DZANK1: variants seen among roughly 807,000 people sequenced by gnomAD.
DZANK1 encodes double zinc ribbon and ankyrin repeat domains 1, also known as double zinc ribbon and ankyrin repeat-containing protein 1.
In DZANK1, 91 loss-of-function variants were observed where a neutral mutation model predicts 94.5. The ratio of observed to expected loss-of-function variants is 0.96; its 90% CI spans 0.81 to 1.15. The LOEUF (loss-of-function observed/expected upper bound fraction) is 1.15. Among genes scored for constraint, DZANK1 ranks in the 50% most tolerant of loss-of-function variants. The pLI is 0.00. For synonymous variants in DZANK1, 312 were observed against 325.3 expected (o/e 0.96, Z 0.44); for missense variants, 903 against 916.4 (o/e 0.99, Z 0.19).
At chr20:18,397,296 G>A (rs2056397769) in intron 14 of DZANK1, among the ~76,000 whole-genome samples, 1 of 152,168 alleles carries the variant, frequency 6.6e-6, no homozygotes, top group Non-Finnish European at 1.5e-5. Context: ...TCTTGATGTT[G>A]GCCTATTTGG....
At chr20:18,412,736 T>C (rs1232606682) in exon 13 of DZANK1, 1 of 1,613,792 alleles carries the variant, frequency 6.2e-7, no homozygotes, top group Non-Finnish European at 8.5e-7. Flanking sequence ...TGTTCCTTTT[T>C]TGCTAGCAGC....
At chr20:18,429,959 A>G (rs1222725850) in intron 9 of DZANK1, among the ~76,000 whole-genome samples, 1 of 152,234 alleles carries the variant, frequency 6.6e-6, no homozygotes, top group Non-Finnish European at 1.5e-5. Flanking sequence ...ACCTATGATG[A>G]GAACTTTTAA....
chr20:18,457,316 A>G (rs1289237536), intron 3 of DZANK1, among the ~76,000 whole-genome samples: 1 of 152,108 alleles, frequency 6.6e-6, no homozygotes. Context: ...CTCTACCAAA[A>G]GTACAAAAAA....
At chr20:18,466,772 C>G (rs2059671997) in intron 1 of DZANK1, 1 of 152,356 alleles carries the variant, frequency 6.6e-6, no homozygotes, top group South Asian at 2.1e-4. Flanking sequence ...CCCCAGACCC[C>G]TCAACTCTCC....
chr20:18,431,223 C>A (rs1023945082), intron 9 of DZANK1, among the ~76,000 whole-genome samples: 1 of 151,910 alleles, frequency 6.6e-6, no homozygotes, highest in Admixed American at 6.6e-5. Flanking sequence ...ATCTTCTAAT[C>A]CCGGCAGAAA....
At chr20:18,398,569 T>A (rs2056491573) in exon 14 of DZANK1, 1 of 1,613,898 alleles carries the variant, frequency 6.2e-7, no homozygotes, top group African/African-American at 1.3e-5. Context: ...TTCAGGGTTG[T>A]TCTGAGCATA....
chr20:18,403,280 T>C (rs1470451387), intron 13 of DZANK1, among the ~76,000 whole-genome samples: 7 of 150,406 alleles, frequency 4.7e-5, no homozygotes, highest in Non-Finnish European at 1.0e-4. Context: ...TCAGCACAAG[T>C]CCAATGTTGG....
At chr20:18,412,770 A>G (rs1658476728) in exon 13 of DZANK1, 1 of 1,613,770 alleles carries the variant, frequency 6.2e-7, no homozygotes, top group Admixed American at 1.7e-5. Context: ...AGAAGAGGCC[A>G]ACAGTCTGTG....
chr20:18,430,544 G>A (rs1568964376), intron 9 of DZANK1, among the ~76,000 whole-genome samples: 1 of 152,248 alleles, frequency 6.6e-6, no homozygotes, highest in Non-Finnish European at 1.5e-5. Context: ...GCCAGGTGCG[G>A]TGGCCCACGC....
intron 1 of DZANK1, among the ~76,000 whole-genome samples, chr20:18,466,408 C>T (rs1291260992): frequency 6.6e-6 from 1 of 152,072 alleles, no homozygotes; most frequent in Non-Finnish European, 1.5e-5. Context: ...AGACTGTATT[C>T]TCAAAAATGG....
At chr20:18,385,216 T>G (rs2048411283) in intron 19 of DZANK1, 126 bp from the exon 20 acceptor site, 4 of 786,230 alleles carry the variant, frequency 5.1e-6, no homozygotes, top group Non-Finnish European at 8.5e-6. Context: ...GGAAACCTCT[T>G]GAGTCTCCTC....
At chr20:18,449,112 A>G in intron 6 of DZANK1, 43 bp from the exon 7 acceptor site, 1 of 1,496,242 alleles carries the variant, frequency 6.7e-7, no homozygotes, top group Non-Finnish European at 9.3e-7. Context: ...TCATATAGTC[A>G]AAATAACATG....
At chr20:18,449,855 G>C (rs1421648562) in intron 6 of DZANK1, among the ~76,000 whole-genome samples, 1 of 151,708 alleles carries the variant, frequency 6.6e-6, no homozygotes, top group Non-Finnish European at 1.5e-5. Context: ...GAGGTGAGCA[G>C]ATCACCTGAG....
intron 9 of DZANK1, among the ~76,000 whole-genome samples, chr20:18,431,503 G>T (rs113015778): frequency 0.025 from 3,738 of 152,338 alleles, 70 homozygotes; most frequent in African/African-American, 0.047. Flanking sequence ...CTGTCTGGGT[G>T]AGAATGTTAT....
chr20:18,415,374 G>A (rs774169003), exon 11 of DZANK1: 7 of 1,594,634 alleles, frequency 4.4e-6, no homozygotes, highest in African/African-American at 2.7e-5. Context: ...AGATTCCAGC[G>A]ACCACATCTG....
At chr20:18,445,397 T>C (rs1423132487) in intron 7 of DZANK1, among the ~76,000 whole-genome samples, 1 of 152,234 alleles carries the variant, frequency 6.6e-6, no homozygotes, top group Non-Finnish European at 1.5e-5. Context: ...TACAGTCATA[T>C]ATTTCAATAC....
exon 9 of DZANK1, chr20:18,433,682 C>A (rs373703840): frequency 3.8e-5 from 62 of 1,613,900 alleles, no homozygotes; most frequent in African/African-American, 6.7e-5. Flanking sequence ...GTGGCTGCAG[C>A]TGTAGAGCAA....
chr20:18,465,596 A>C (rs2059621355), intron 1 of DZANK1: 1 of 224,848 alleles, frequency 4.4e-6, no homozygotes, highest in African/African-American at 2.3e-5. Flanking sequence ...CTTCTGCGAA[A>C]GGAGCATGAA....
At chr20:18,402,993 T>C (rs1257546670) in intron 13 of DZANK1, among the ~76,000 whole-genome samples, 1 of 152,196 alleles carries the variant, frequency 6.6e-6, no homozygotes, top group Non-Finnish European at 1.5e-5. Context: ...CCCTTCCACA[T>C]GTTCTCAGCT....
Sources: gnomAD v4.1 joint callset for allele counts (sites outside exome capture counted in the v4.1 genomes callset) on GRCh38, gnomAD v4.1.1 for gene constraint, MANE v1.5 for transcripts, NCBI Gene and HGNC (gene_info 2026-07-23, HGNC 2026-07-21) for gene names.